Variants in ANKHD1 observed in about 807,000 individuals in gnomAD.
ANKHD1 encodes the protein ankyrin repeat and KH domain containing 1.
In ANKHD1, 31 loss-of-function variants were observed where a neutral mutation model predicts 230.5. That is an observed-to-expected ratio of 0.13 (90% CI 0.10 to 0.18). The LOEUF (loss-of-function observed/expected upper bound fraction) is 0.18, where lower values mean the gene tolerates loss of function less well. Among genes scored for constraint, ANKHD1 ranks in the 10% least tolerant of loss-of-function variants. ANKHD1 has a pLI of 1.00. For missense variants in ANKHD1, 2,256 were observed against 3,071.3 expected (o/e 0.73, Z 6.27); for synonymous variants, 1,074 against 1,117.6 (o/e 0.96, Z 0.78).
intron 7 of ANKHD1, 139 bp downstream of exon 7, chr5:140,449,444 C>T: frequency 1.1e-6 from 1 of 942,452 alleles, no homozygotes; most frequent in Non-Finnish European, 1.5e-6. Flanking sequence ...TCGGGCGGAT[C>T]ACATGGTCAG....
At chr5:140,450,544 C>T (rs113917468) in intron 7 of ANKHD1, among the ~76,000 whole-genome samples, 2 of 151,720 alleles carry the variant, frequency 1.3e-5, no homozygotes, top group African/African-American at 2.4e-5. Context: ...CTCTCTCTCT[C>T]TCTCTTTATT....
chr5:140,518,476 A>G (rs575197131), intron 24 of ANKHD1, among the ~76,000 whole-genome samples: 2 of 150,038 alleles, frequency 1.3e-5, no homozygotes, highest in Admixed American at 1.3e-4. Context: ...CCGGGCAGAG[A>G]CACAACCAAA....
intron 1 of ANKHD1, among the ~76,000 whole-genome samples, chr5:140,429,977 A>G (rs542719958): frequency 1.3e-5 from 2 of 152,298 alleles, no homozygotes; most frequent in East Asian, 3.9e-4. Flanking sequence ...CTCTCTTGGT[A>G]ACTGTTGCAT....
intron 1 of ANKHD1, among the ~76,000 whole-genome samples, chr5:140,429,397 T>G (rs1408382411): frequency 7.2e-5 from 11 of 152,202 alleles, no homozygotes; most frequent in Non-Finnish European, 1.5e-4. Context: ...CAGCCTGGCC[T>G]AGAATATTCT....
At chr5:140,521,503 A>T (rs1307710948) in intron 24 of ANKHD1, among the ~76,000 whole-genome samples, 1 of 152,150 alleles carries the variant, frequency 6.6e-6, no homozygotes, top group Non-Finnish European at 1.5e-5. Context: ...AATTCTATAA[A>T]TAGGAAAGAA....
chr5:140,537,085 A>T (rs987904697), intron 30 of ANKHD1: 5 of 208,174 alleles, frequency 2.4e-5, no homozygotes, highest in Non-Finnish European at 4.6e-5. Flanking sequence ...AATAAAAACA[A>T]ATGTGGCCTG....
At chr5:140,456,347 T>C (rs1291508524) in intron 7 of ANKHD1, among the ~76,000 whole-genome samples, 3 of 152,240 alleles carry the variant, frequency 2.0e-5, no homozygotes, top group East Asian at 3.9e-4. Flanking sequence ...CTTCACAGAA[T>C]TGGAAAAAAC....
At position 140,485,781 on chromosome 5, in the gene ANKHD1, A is replaced by G; in HGVS notation, c.2142+49A>G. The stretch of plus-strand genomic sequence containing the variant: ...GTTAATATAAATATTCTTCAACATG[A>G]TTAGAAGTTTTTGTTTAAAATCAGT... On this transcript the variant is annotated intron_variant, in intron 13 of 33. Coordinates refer to ENST00000360839, the MANE Select transcript of ANKHD1 (RefSeq NM_017747.3). The surrounding 1 kb of genome is among the most constrained non-coding windows in gnomAD (Gnocchi z 4.8). 6.3e-7 allele frequency: 1 copy of G among 1,593,998 alleles called. No homozygotes were observed. Among genetic ancestry groups the G allele is most frequent in the Non-Finnish European group, 8.5e-7 (1 of 1,175,442 alleles).
intron 14 of ANKHD1, among the ~76,000 whole-genome samples, chr5:140,487,407 T>G (rs1751559391): frequency 6.6e-6 from 1 of 152,148 alleles, no homozygotes; most frequent in African/African-American, 2.4e-5. Context: ...AAATGAAGAG[T>G]AAAAATGCAT....
chr5:140,420,712 C>T (rs1284043258), intron 1 of ANKHD1, among the ~76,000 whole-genome samples: 1 of 152,176 alleles, frequency 6.6e-6, no homozygotes, highest in African/African-American at 2.4e-5. Flanking sequence ...GCCAGTTCCA[C>T]ACTGTCTTGA....
chr5:140,476,597 G>C (rs1489462285), intron 10 of ANKHD1, among the ~76,000 whole-genome samples: 2 of 152,018 alleles, frequency 1.3e-5, no homozygotes, highest in Admixed American at 6.5e-5. Context: ...CTGTACTTAA[G>C]TACCATTCTA....
chr5:140,402,369 G>GA, intron 1 of ANKHD1, 96 bp downstream of exon 1: 1 of 1,370,756 alleles, frequency 7.3e-7, no homozygotes, highest in Non-Finnish European at 9.4e-7. Flanking sequence ...TTCCCTGGTG[G>GA]AGCCCTTCTG....
intron 10 of ANKHD1, among the ~76,000 whole-genome samples, chr5:140,477,373 TCAAA>T (rs1487792636): frequency 6.6e-6 from 1 of 152,166 alleles, no homozygotes; most frequent in African/African-American, 2.4e-5. Context: ...TTGTTAAAAA[TCAAA>T]CAATTTTTTA....
At position 140,524,221 on chromosome 5, in the gene ANKHD1, AGAG is replaced by A. The variant is rs759195447; in HGVS notation, c.4477_4479del (p.Glu1493del). The A allele has an allele frequency of 2.5e-6, 4 of 1,578,712 alleles. No homozygotes were observed. In the South Asian group the frequency reaches 3.6e-5, roughly 14 times the overall value. The stretch of plus-strand genomic sequence containing the variant: ...CGGAACTACCAGAGGATGAAGATGA[AGAG>A]GAGAATGATGAAGATGGTGAGAAAC... On this transcript the variant is annotated inframe_deletion, in exon 25 of 34. Coordinates refer to ENST00000360839, the MANE Select transcript of ANKHD1 (RefSeq NM_017747.3).
At chr5:140,438,173 T>C (rs1235855840) in intron 2 of ANKHD1, among the ~76,000 whole-genome samples, 1 of 152,182 alleles carries the variant, frequency 6.6e-6, no homozygotes, top group South Asian at 2.1e-4. Context: ...TCTCATTTAT[T>C]TGATAGACAG....
At chr5:140,502,464 A>G (rs1455444599) in intron 15 of ANKHD1, among the ~76,000 whole-genome samples, 1 of 152,206 alleles carries the variant, frequency 6.6e-6, no homozygotes, top group Non-Finnish European at 1.5e-5. Context: ...GTTTCTTATC[A>G]CATTCTGGCA....
chr5:140,504,294 C>G (rs913839143), intron 15 of ANKHD1, among the ~76,000 whole-genome samples: 2 of 152,184 alleles, frequency 1.3e-5, no homozygotes, highest in African/African-American at 4.8e-5. Flanking sequence ...TCAGGTGATT[C>G]ACCCGCCTCG....
chr5:140,436,322 G>T, intron 2 of ANKHD1, 65 bp downstream of exon 2: 1 of 1,333,282 alleles, frequency 7.5e-7, no homozygotes, highest in South Asian at 2.3e-5. Context: ...ACAGTTACAT[G>T]AGATTATCCC....
chr5:140,469,128 C>T (rs1776312833), intron 10 of ANKHD1, among the ~76,000 whole-genome samples: 3 of 151,758 alleles, frequency 2.0e-5, no homozygotes, highest in African/African-American at 7.3e-5. Flanking sequence ...CCTTCTCTCC[C>T]ACCCTCCTTC....
Sources: allele counts gnomAD v4.1 joint callset (sites outside exome capture counted in the v4.1 genomes callset), GRCh38; gene constraint gnomAD v4.1.1; non-coding constraint Gnocchi (gnomAD v3.1); transcripts MANE v1.5; gene names NCBI Gene and HGNC (gene_info 2026-07-23, HGNC 2026-07-21).